The following PPM1H variants were observed in gnomAD, a reference collection of about 807,000 sequenced individuals.
PPM1H encodes the protein protein phosphatase, Mg2+/Mn2+ dependent 1H, also known as protein phosphatase 1H.
Under a neutral mutation model 54.9 loss-of-function variants are expected in PPM1H, and 27 were observed. That is an observed-to-expected ratio of 0.49 (90% CI 0.36 to 0.68). PPM1H has a LOEUF of 0.68. Among genes scored for constraint, PPM1H ranks in the 30% least tolerant of loss-of-function variants. The pLI is 0.00. For missense variants in PPM1H, 596 were observed against 667.8 expected (o/e 0.89, Z 1.19); for synonymous variants, 305 against 270.8 (o/e 1.13, Z -1.24).
chr12:62,821,010 G>C (rs936606755), intron 2 of PPM1H, among the ~76,000 whole-genome samples: 1 of 152,130 alleles, frequency 6.6e-6, no homozygotes, highest in African/African-American at 2.4e-5. Context: ...TTGCAAAGAA[G>C]CTAAAAACCT....
chr12:62,815,036 C>T (rs1309773967), intron 2 of PPM1H, among the ~76,000 whole-genome samples: 1 of 152,124 alleles, frequency 6.6e-6, no homozygotes, highest in African/African-American at 2.4e-5. Context: ...CCTCACAGTA[C>T]CACAGTGAAA....
chr12:62,757,624 T>C (rs528999980), intron 4 of PPM1H, among the ~76,000 whole-genome samples: 9 of 152,350 alleles, frequency 5.9e-5, no homozygotes, highest in African/African-American at 2.2e-4. Flanking sequence ...AGTGTCTTTC[T>C]TGGGGCAAGT....
intron 2 of PPM1H, among the ~76,000 whole-genome samples, chr12:62,817,116 TAAAAAAAAAAAAAA>T (rs1189819660): frequency 2.4e-5 from 1 of 41,792 alleles, no homozygotes; most frequent in Non-Finnish European, 4.6e-5. Flanking sequence ...ACTGCATTAC[TAAAAAAAAAAAAAA>T]AAAAAAGAAA....
intron 1 of PPM1H, among the ~76,000 whole-genome samples, chr12:62,842,644 A>C (rs1308212111): frequency 6.6e-6 from 1 of 152,230 alleles, no homozygotes; most frequent in Non-Finnish European, 1.5e-5. Context: ...AGAGGAATAA[A>C]GTTATACAGA....
In PPM1H at chr12:62,848,023, T is replaced by C. The variant is rs536309890; in HGVS notation, c.246-15744A>G. ...TGGTAAGAAATGAGTTCTCAATGGC[T>C]GAGAATAAATTTTAATAGCGGAACC... On this transcript the variant is annotated intron_variant, in intron 1 of 9. Coordinates refer to ENST00000228705, the MANE Select transcript of PPM1H (RefSeq NM_020700.2). Among the ~76,000 whole-genome samples the C allele has an allele frequency of 7.2e-5, 11 of 152,296 alleles. No individual in the cohort carries two copies. In the South Asian group the frequency reaches 2.3e-3, roughly 32 times the overall value.
chr12:62,658,718 G>A (rs1015233260), intron 9 of PPM1H: 15 of 345,132 alleles, frequency 4.3e-5, no homozygotes, highest in Middle Eastern at 1.0e-3. Flanking sequence ...AGTTCATTTC[G>A]TGACCCCACA....
chr12:62,793,600 TG>T (rs1220815598), intron 3 of PPM1H, among the ~76,000 whole-genome samples: 1 of 151,962 alleles, frequency 6.6e-6, no homozygotes, highest in Non-Finnish European at 1.5e-5. Context: ...GGCGCATGCT[TG>T]TAACCCCAGC....
intron 9 of PPM1H, among the ~76,000 whole-genome samples, chr12:62,664,532 AAAG>A (rs2075905591): frequency 6.6e-6 from 1 of 152,196 alleles, no homozygotes; most frequent in African/African-American, 2.4e-5. Flanking sequence ...TAACTTCTCA[AAAG>A]AAGCATAGCA....
rs530198659 is a variant in PPM1H, at chr12:62,733,542, C to T, written c.954+3960G>A. Among the ~76,000 whole-genome samples, 12 of 152,278 alleles carry T rather than the reference C, an allele frequency of 7.9e-5. No homozygotes were observed. In the East Asian group the frequency reaches 1.2e-3, roughly 15 times the overall value. Reference sequence around the variant, plus strand: ...AAAGTGCTAGGATTACAGGTGTGAGCCACCATGCCTGGCCGATACTATTTT... The same window carrying T: ...AAAGTGCTAGGATTACAGGTGTGAGTCACCATGCCTGGCCGATACTATTTT... On this transcript the variant is annotated intron_variant, in intron 5 of 9. Coordinates refer to ENST00000228705, the MANE Select transcript of PPM1H (RefSeq NM_020700.2).
chr12:62,817,150 A>AC (rs1565797666), intron 2 of PPM1H, among the ~76,000 whole-genome samples: 7 of 115,324 alleles, frequency 6.1e-5, no homozygotes, highest in East Asian at 2.5e-4. Flanking sequence ...AAAAAAAAAA[A>AC]CTAAAAAAAA....
intron 4 of PPM1H, among the ~76,000 whole-genome samples, chr12:62,762,056 G>C (rs2076512363): frequency 6.6e-6 from 1 of 152,250 alleles, no homozygotes; most frequent in Admixed American, 6.5e-5. Flanking sequence ...GCACTGCCTT[G>C]CTGTGTGCCA....
chr12:62,872,268 G>A (rs1870013842), intron 1 of PPM1H, among the ~76,000 whole-genome samples: 1 of 152,198 alleles, frequency 6.6e-6, no homozygotes, highest in Admixed American at 6.5e-5. Flanking sequence ...GTGGTGTTCT[G>A]AGGAAAGTAA....
Position 62,655,473 on chromosome 12 carries a change from C to T in PPM1H, c.1398-6837G>A, listed in dbSNP as rs550548009. ...CCCTGGGTTGGTGACAGTGAAAGTG[C>T]TTAAGGTGGTATTAAAACAGGAAGG... On this transcript the variant is annotated intron_variant, in intron 9 of 9. Coordinates refer to ENST00000228705, the MANE Select transcript of PPM1H (RefSeq NM_020700.2). Among the ~76,000 whole-genome samples the T allele has an allele frequency of 9.9e-5, 15 of 152,224 alleles. No individual in the cohort carries two copies. The South Asian group carries it at 1.9e-3, about 19-fold the overall frequency.
At chr12:62,876,112 C>T (rs566734080) in intron 1 of PPM1H, among the ~76,000 whole-genome samples, 1 of 152,312 alleles carries the variant, frequency 6.6e-6, no homozygotes, top group South Asian at 2.1e-4. Flanking sequence ...TGGTAGTGAA[C>T]TTCCTGTCCA....
chr12:62,666,939 C>G (rs1202564501), intron 9 of PPM1H, among the ~76,000 whole-genome samples: 2 of 152,170 alleles, frequency 1.3e-5, no homozygotes, highest in East Asian at 3.9e-4. Context: ...GTCTAGAACT[C>G]CTGACCTCAT....
intron 6 of PPM1H, among the ~76,000 whole-genome samples, chr12:62,717,630 T>G (rs57941935): frequency 0.12 from 17,631 of 151,746 alleles, 1,099 homozygotes; most frequent in East Asian, 0.18. Context: ...TTAGCCATTT[T>G]CTAAATATTA....
At chr12:62,922,541 G>A (rs2121170861) in intron 1 of PPM1H, among the ~76,000 whole-genome samples, 1 of 152,280 alleles carries the variant, frequency 6.6e-6, no homozygotes, top group Non-Finnish European at 1.5e-5. Context: ...CTACAGAGAT[G>A]TAAGTTGGTG....
In PPM1H at chr12:62,782,634, G is replaced by T. The variant is rs542288082; in HGVS notation, c.869+5592C>A. Among the ~76,000 whole-genome samples the T allele has an allele frequency of 2.5e-3, 381 of 152,276 alleles. 3 individuals carry two copies. Among genetic ancestry groups the T allele is most frequent in the African/African-American group, 8.7e-3 (363 of 41,550 alleles). ...CTACCCTTTCCTAGGAGACTCTCAA[G>T]CATGAGAAGATGACCCTCTATTCCC... On this transcript the variant is annotated intron_variant, in intron 4 of 9. Transcript: ENST00000228705.
chr12:62,868,968 C>T (rs1869881324), intron 1 of PPM1H, among the ~76,000 whole-genome samples: 1 of 152,208 alleles, frequency 6.6e-6, no homozygotes, highest in Non-Finnish European at 1.5e-5. Flanking sequence ...AAATGACTCC[C>T]AGACCTGGTC....
Sources: gnomAD v4.1 joint callset for allele counts (sites outside exome capture counted in the v4.1 genomes callset) on GRCh38, gnomAD v4.1.1 for gene constraint, MANE v1.5 for transcripts, NCBI Gene and HGNC (gene_info 2026-07-23, HGNC 2026-07-21) for gene names.